MSRA: variants seen among roughly 807,000 people sequenced by gnomAD.
MSRA encodes the protein methionine sulfoxide reductase A.
Under a neutral mutation model 31.3 loss-of-function variants are expected in MSRA, and 54 were observed. That is an observed-to-expected ratio of 1.73 (90% CI 1.39 to 2.17). MSRA has a LOEUF of 2.17. MSRA is among the 30% of genes most tolerant of loss of function. MSRA has a pLI of 0.00. For missense variants in MSRA, 507 were observed against 300.9 expected, an observed-to-expected ratio of 1.69 and a Z score of -5.07; for synonymous variants, 169 against 116.5, an observed-to-expected ratio of 1.45 and a Z score of -2.90.
intron 1 of MSRA, among the ~76,000 whole-genome samples, chr8:10,138,045 C>G (rs922591127): frequency 6.6e-6 from 1 of 152,108 alleles, no homozygotes; most frequent in Non-Finnish European, 1.5e-5. Flanking sequence ...GTTTAGTGCT[C>G]ATTTCACTGG....
intron 2 of MSRA, among the ~76,000 whole-genome samples, chr8:10,226,318 C>T (rs191187951): frequency 2.6e-5 from 4 of 152,200 alleles, no homozygotes; most frequent in Non-Finnish European, 4.4e-5. Context: ...ATGGAGTGAT[C>T]CAGGCTGATC....
intron 1 of MSRA, among the ~76,000 whole-genome samples, chr8:10,145,542 C>T (rs1168186825): frequency 3.3e-5 from 5 of 152,168 alleles, no homozygotes; most frequent in Non-Finnish European, 7.3e-5. Flanking sequence ...TCTGAAGAGG[C>T]GTGTTTGTGA....
chr8:10,178,266 T>A (rs1019308197), intron 1 of MSRA, among the ~76,000 whole-genome samples: 1 of 152,068 alleles, frequency 6.6e-6, no homozygotes, highest in African/African-American at 2.4e-5. Context: ...ACTCTGACAG[T>A]AAAAATCAAA....
chr8:10,219,008 G>A (rs971727547), intron 2 of MSRA, among the ~76,000 whole-genome samples: 1 of 152,122 alleles, frequency 6.6e-6, no homozygotes, highest in African/African-American at 2.4e-5. Flanking sequence ...GTGACCAGGG[G>A]ATGTGCTGCA....
In MSRA at chr8:10,428,211, T is replaced by C. The variant is rs1188824772; in HGVS notation, c.607T>C (p.Tyr203His). ...CATCCGGGAGGGACAGACTTTCTAC[T>C]ATGCGGAAGACTACCACCAGCAGTA... ...TDIREGQTFY[Y>H]AEDYHQQYLS... is the part of the protein sequence containing the mutation. The change falls in exon 6 of 6, where the codon TAT becomes CAT. Residue 203 changes from tyrosine (Y) to histidine (H), a missense_variant. Transcript: ENST00000317173. The C allele has an allele frequency of 5.6e-6, 9 of 1,614,060 alleles. No individual in the cohort carries two copies. The African/African-American group carries it at 6.7e-5, about 12-fold the overall frequency.
At chr8:10,148,957 ATT>A (rs34442171) in intron 1 of MSRA, among the ~76,000 whole-genome samples, 37,189 of 136,366 alleles carry the variant, frequency 0.27, 5,097 homozygotes, top group East Asian at 0.57. Flanking sequence ...TCGCTGGTAA[ATT>A]TTTTTTTTTT....
chr8:10,226,749 G>T (rs1811037469), intron 2 of MSRA, among the ~76,000 whole-genome samples: 1 of 152,064 alleles, frequency 6.6e-6, no homozygotes, highest in African/African-American at 2.4e-5. Flanking sequence ...TTTTTGTTAA[G>T]GCTTTCTTTA....
intron 4 of MSRA, among the ~76,000 whole-genome samples, chr8:10,308,329 G>T (rs908612531): frequency 6.6e-6 from 1 of 152,172 alleles, no homozygotes; most frequent in Non-Finnish European, 1.5e-5. Context: ...AATCAAACCT[G>T]TTGTTAAGAG....
chr8:10,255,190 C>G (rs1563274643), intron 3 of MSRA, among the ~76,000 whole-genome samples: 1 of 152,206 alleles, frequency 6.6e-6, no homozygotes, highest in Non-Finnish European at 1.5e-5. Flanking sequence ...CTGAAACACG[C>G]AGTAAAATGA....
chr8:10,113,137 C>G (rs1488947535), intron 1 of MSRA, among the ~76,000 whole-genome samples: 1 of 151,950 alleles, frequency 6.6e-6, no homozygotes, highest in Non-Finnish European at 1.5e-5. Flanking sequence ...TGTCTTCCCC[C>G]TGTAGGTGCT....
intron 5 of MSRA, among the ~76,000 whole-genome samples, chr8:10,339,627 C>T (rs1255477578): frequency 3.4e-5 from 5 of 148,300 alleles, no homozygotes; most frequent in Non-Finnish European, 5.9e-5. Context: ...CTGCAAGCTC[C>T]GCCTCCCAGG....
chr8:10,208,099 T>G (rs566062672), intron 2 of MSRA, among the ~76,000 whole-genome samples, 198 bp downstream of exon 2: 1 of 152,234 alleles, frequency 6.6e-6, no homozygotes, highest in Non-Finnish European at 1.5e-5. Context: ...TTAGCGTGCT[T>G]TATTTTCTCA....
intron 3 of MSRA, among the ~76,000 whole-genome samples, chr8:10,268,607 C>T (rs1373962750): frequency 2.6e-5 from 4 of 152,222 alleles, no homozygotes; most frequent in African/African-American, 9.6e-5. Context: ...AATTGACTAA[C>T]TATACAATCA....
At chr8:10,106,900 C>G (rs1203712682) in intron 1 of MSRA, among the ~76,000 whole-genome samples, 1 of 151,864 alleles carries the variant, frequency 6.6e-6, no homozygotes, top group East Asian at 1.9e-4. Flanking sequence ...CCGCCTACCC[C>G]TCTACCCACC....
chr8:10,359,917 G>A (rs1804744176), intron 5 of MSRA, among the ~76,000 whole-genome samples: 1 of 152,194 alleles, frequency 6.6e-6, no homozygotes. Context: ...TGTTAAAACT[G>A]TGCAGCTGGC....
intron 1 of MSRA, among the ~76,000 whole-genome samples, chr8:10,100,927 T>A (rs1799491379): frequency 1.3e-5 from 2 of 152,200 alleles, no homozygotes; most frequent in Admixed American, 1.3e-4. Flanking sequence ...TCTGGAGTGA[T>A]GCCATTCTTT....
chr8:10,383,479 C>T (rs773532037), intron 5 of MSRA, among the ~76,000 whole-genome samples: 8 of 152,046 alleles, frequency 5.3e-5, no homozygotes, highest in Admixed American at 1.3e-4. Flanking sequence ...TTGGTTCCTG[C>T]GGCTTAAAAG....
intron 1 of MSRA, among the ~76,000 whole-genome samples, chr8:10,200,831 C>G (rs1333864054): frequency 6.6e-6 from 1 of 152,162 alleles, no homozygotes; most frequent in Non-Finnish European, 1.5e-5. Context: ...AGGCGTGACT[C>G]CATCCTCTCT....
At chr8:10,264,642 A>G (rs1200309224) in intron 3 of MSRA, among the ~76,000 whole-genome samples, 1 of 152,068 alleles carries the variant, frequency 6.6e-6, no homozygotes, top group Non-Finnish European at 1.5e-5. Context: ...ATGATGAGGG[A>G]GATGCTGGGG....
Sources: gnomAD v4.1 joint callset for allele counts (sites outside exome capture counted in the v4.1 genomes callset) on GRCh38, gnomAD v4.1.1 for gene constraint, MANE v1.5 for transcripts, NCBI Gene and HGNC (gene_info 2026-07-23, HGNC 2026-07-21) for gene names.